The following FHIT variants were observed in gnomAD, a reference collection of about 807,000 sequenced individuals.
The protein encoded by FHIT is fragile histidine triad diadenosine triphosphatase, also known as bis(5'-adenosyl)-triphosphatase.
FHIT carries 19 observed loss-of-function variants against 17.9 expected under a neutral mutation model. That is an observed-to-expected ratio of 1.06 (90% CI 0.74 to 1.56). The LOEUF is 1.56. Ranked by LOEUF, FHIT falls within the 40% of genes most tolerant of loss-of-function variation. The pLI, the probability that FHIT is intolerant of heterozygous loss-of-function variation, is 0.00. For missense variants in FHIT, 248 were observed against 189.2 expected (o/e 1.31, Z -1.82); for synonymous variants, 81 against 69.7 (o/e 1.16, Z -0.81).
At chr3:61,244,411 A>G (rs2040439350) in intron 1 of FHIT, among the ~76,000 whole-genome samples, 2 of 152,240 alleles carry the variant, frequency 1.3e-5, no homozygotes, top group Non-Finnish European at 2.9e-5. Flanking sequence ...TAAGGATCCC[A>G]GATTTTGTCC....
At chr3:60,214,047 C>T (rs1024410594) in intron 5 of FHIT, among the ~76,000 whole-genome samples, 3 of 152,144 alleles carry the variant, frequency 2.0e-5, no homozygotes, top group South Asian at 2.1e-4. Context: ...ATAAGAGGTT[C>T]AGAGGGTGGT....
At chr3:61,209,166 G>C (rs1049428951) in intron 1 of FHIT, among the ~76,000 whole-genome samples, 2 of 152,154 alleles carry the variant, frequency 1.3e-5, no homozygotes, top group Non-Finnish European at 2.9e-5. Context: ...CTGGCTTGTA[G>C]AGTTTCTGCC....
chr3:60,450,442 G>C lies in FHIT; in HGVS notation c.103+86418C>G, dbSNP rs181237763. 1.4e-4 allele frequency among the ~76,000 whole-genome samples: 22 copies of C among 151,990 alleles called. No homozygotes were observed. In the East Asian group the frequency reaches 3.9e-3, roughly 27 times the overall value. ...AGAGCTGAGCTGTGCATATTATCCAGGTCCTGTATAGAACTGTATAGAACT... is the reference window on the plus strand; with the variant it reads ...AGAGCTGAGCTGTGCATATTATCCACGTCCTGTATAGAACTGTATAGAACT... On this transcript the variant is annotated intron_variant, in intron 5 of 9. Coordinates refer to ENST00000492590, the MANE Select transcript of FHIT (RefSeq NM_002012.4).
At chr3:59,982,270 A>G (rs564460668) in intron 7 of FHIT, among the ~76,000 whole-genome samples, 1 of 152,324 alleles carries the variant, frequency 6.6e-6, no homozygotes, top group East Asian at 1.9e-4. Flanking sequence ...GTTTAAGTGG[A>G]AAAAGAAGGT....
intron 8 of FHIT, among the ~76,000 whole-genome samples, chr3:59,860,243 G>T (rs950529366): frequency 2.0e-5 from 3 of 152,170 alleles, no homozygotes; most frequent in Non-Finnish European, 4.4e-5. Context: ...AAGACCCTTT[G>T]TTGGGAAGAA....
intron 5 of FHIT, among the ~76,000 whole-genome samples, chr3:60,329,393 G>A (rs558834295): frequency 1.3e-5 from 2 of 152,216 alleles, no homozygotes; most frequent in South Asian, 4.1e-4. Flanking sequence ...CACTACTAGA[G>A]GATTCTAACA....
chr3:60,356,708 G>A (rs73836728), intron 5 of FHIT, among the ~76,000 whole-genome samples: 13,630 of 108,716 alleles, frequency 0.13, 2,161 homozygotes, highest in African/African-American at 0.39. Context: ...TCTTTCCTAC[G>A]GAAAATTAAA....
chr3:60,322,180 C>G (rs1484623841), intron 5 of FHIT, among the ~76,000 whole-genome samples: 1 of 152,178 alleles, frequency 6.6e-6, no homozygotes, highest in East Asian at 1.9e-4. Context: ...ATGATGCCTG[C>G]TCAATGTGTG....
chr3:60,685,361 T>C (rs1254402324), intron 4 of FHIT, among the ~76,000 whole-genome samples: 7 of 152,162 alleles, frequency 4.6e-5, no homozygotes, highest in African/African-American at 1.7e-4. Flanking sequence ...TCCCCTACAA[T>C]GTCATCCTCT....
At chr3:60,466,239 T>C (rs1431816121) in intron 5 of FHIT, among the ~76,000 whole-genome samples, 1 of 152,058 alleles carries the variant, frequency 6.6e-6, no homozygotes, top group Non-Finnish European at 1.5e-5. Flanking sequence ...TTTTTATATC[T>C]TGCAACTGTA....
At chr3:59,984,451 C>A (rs1022150544) in intron 7 of FHIT, among the ~76,000 whole-genome samples, 1 of 151,958 alleles carries the variant, frequency 6.6e-6, no homozygotes, top group African/African-American at 2.4e-5. Context: ...TTCGCACTTA[C>A]GACATAGGAA....
intron 2 of FHIT, among the ~76,000 whole-genome samples, chr3:61,063,492 A>G (rs2034499923): frequency 6.6e-6 from 1 of 152,112 alleles, no homozygotes; most frequent in African/African-American, 2.4e-5. Flanking sequence ...GAAGAGCAAA[A>G]CAATCCCAAG....
At chr3:60,961,931 T>G (rs1709472870) in intron 3 of FHIT, among the ~76,000 whole-genome samples, 1 of 152,218 alleles carries the variant, frequency 6.6e-6, no homozygotes, top group African/African-American at 2.4e-5. Context: ...TGCTTCCATG[T>G]GAACTTTAAG....
At chr3:60,712,513 T>G (rs2041564467) in intron 4 of FHIT, among the ~76,000 whole-genome samples, 1 of 151,636 alleles carries the variant, frequency 6.6e-6, no homozygotes, top group Admixed American at 6.6e-5. Context: ...CCCATCAGTG[T>G]GCTGTATTCA....
At chr3:60,671,716 G>A (rs1299647905) in intron 4 of FHIT, among the ~76,000 whole-genome samples, 1 of 150,990 alleles carries the variant, frequency 6.6e-6, no homozygotes, top group African/African-American at 2.4e-5. Flanking sequence ...GAGGCAAGTG[G>A]ATCACCTGAG....
intron 4 of FHIT, among the ~76,000 whole-genome samples, chr3:60,753,753 A>G (rs1276945258): frequency 6.6e-6 from 1 of 152,204 alleles, no homozygotes; most frequent in African/African-American, 2.4e-5. Context: ...GAAGAGGGTG[A>G]GGCCAGGGAC....
At chr3:60,845,012 T>G (rs571884881) in intron 3 of FHIT, among the ~76,000 whole-genome samples, 1 of 152,230 alleles carries the variant, frequency 6.6e-6, no homozygotes, top group South Asian at 2.1e-4. Flanking sequence ...CCATTATTTT[T>G]GGCTTCTACT....
chr3:61,202,147 G>A (rs1330891112), intron 1 of FHIT, among the ~76,000 whole-genome samples: 1 of 151,990 alleles, frequency 6.6e-6, no homozygotes, highest in Non-Finnish European at 1.5e-5. Context: ...AGCCGTCTGG[G>A]AAGTGAGAAG....
At chr3:60,182,074 C>T (rs753545116) in intron 5 of FHIT, among the ~76,000 whole-genome samples, 2 of 152,108 alleles carry the variant, frequency 1.3e-5, no homozygotes, top group Non-Finnish European at 2.9e-5. Context: ...GTTTTCAGAA[C>T]GATATGAGAT....
Sources: gnomAD v4.1 joint callset for allele counts (sites outside exome capture counted in the v4.1 genomes callset) on GRCh38, gnomAD v4.1.1 for gene constraint, MANE v1.5 for transcripts, NCBI Gene and HGNC (gene_info 2026-07-23, HGNC 2026-07-21) for gene names.